Variants in SLC44A1 observed in about 807,000 individuals in gnomAD.
The protein encoded by SLC44A1 is choline transporter-like protein 1.
Under a neutral mutation model 79.3 loss-of-function variants are expected in SLC44A1, and 26 were observed. The observed-to-expected ratio is 0.33, with a 90% CI of 0.24 to 0.46. The LOEUF (loss-of-function observed/expected upper bound fraction) is 0.46. SLC44A1 is among the 20% of genes least tolerant of loss of function. SLC44A1 has a pLI of 1.00. For synonymous variants in SLC44A1, 263 were observed against 286.2 expected (o/e 0.92, Z 0.82); for missense variants, 688 against 798.1 (o/e 0.86, Z 1.66).
intron 15 of SLC44A1, among the ~76,000 whole-genome samples, chr9:105,409,015 CAATT>C (rs1346957002): frequency 6.6e-6 from 1 of 151,992 alleles, no homozygotes; most frequent in African/African-American, 2.4e-5. Flanking sequence ...CTAGAAAAAT[CAATT>C]AAACATAAGA....
In SLC44A1 at chr9:105,271,802, C is replaced by T. The variant is rs530756753; in HGVS notation, c.36+26898C>T. ...CTAATTTTTGTAGTTTTAGTAGAGA[C>T]GGGGTTTCGCTATGTTGGCCAGGCT... On this transcript the variant is annotated intron_variant, in intron 1 of 15. Coordinates refer to ENST00000374720, the MANE Select transcript of SLC44A1 (RefSeq NM_080546.5). Among the ~76,000 whole-genome samples, 49 of 152,068 alleles carry T rather than the reference C, an allele frequency of 3.2e-4. 1 individual carries two copies. The South Asian group carries it at 9.6e-3, about 30-fold the overall frequency.
At position 105,389,037 on chromosome 9, in the gene SLC44A1, C is replaced by T. The variant is rs201488869; in HGVS notation, c.1955C>T (p.Ser652Leu). The change falls in exon 16 of 16, where the codon TCG becomes TTG. Residue 652 changes from serine (S) to leucine (L), a missense_variant. Ser to Leu is a moderately radical substitution (Grantham distance 145). Coordinates refer to ENST00000374720, the MANE Select transcript of SLC44A1 (RefSeq NM_080546.5). ...CTGTATGACTTTGTTTTCTAGGCTTCGGGAGCAAGTTCTGCTTGAACCTAG... is the reference window on the plus strand; with the variant it reads ...CTGTATGACTTTGTTTTCTAGGCTTTGGGAGCAAGTTCTGCTTGAACCTAG... ...ADSRELKPMASGASSA is the reference protein window; with the variant it reads ...ADSRELKPMALGASSA 1.2e-5 allele frequency: 19 copies of T among 1,612,364 alleles called. No homozygotes were observed. Among genetic ancestry groups the T allele is most frequent in the South Asian group, 2.2e-5 (2 of 91,020 alleles).
At chr9:105,423,183 G>A (rs1829276225) in intron 15 of SLC44A1, among the ~76,000 whole-genome samples, 1 of 152,200 alleles carries the variant, frequency 6.6e-6, no homozygotes, top group Non-Finnish European at 1.5e-5. Context: ...GCTCACGCCT[G>A]TAATCTCAAC....
chr9:105,377,679 T>C (rs1828334558), intron 13 of SLC44A1, among the ~76,000 whole-genome samples: 1 of 151,476 alleles, frequency 6.6e-6, no homozygotes, highest in Non-Finnish European at 1.5e-5. Context: ...GGAGAATCGC[T>C]TGAACCCAGG....
chr9:105,430,835 T>C (rs1829383410), intron 15 of SLC44A1, among the ~76,000 whole-genome samples: 1 of 152,230 alleles, frequency 6.6e-6, no homozygotes, highest in Admixed American at 6.5e-5. Flanking sequence ...TTTAACTTTT[T>C]GAGGAATGCC....
rs1421584275 is a variant in SLC44A1, at chr9:105,394,477, G to A, written c.*5421G>A. ...TGTGTGTGTGTCCTGGCGGTTATTT[G>A]GGGGCAAGGTACCAGATTATTTGCA... On this transcript the variant is annotated 3_prime_UTR_variant, in exon 16 of 16. Coordinates refer to ENST00000374720, the MANE Select transcript of SLC44A1 (RefSeq NM_080546.5). The A allele has an allele frequency of 2.0e-6, 2 of 978,128 alleles. No individual in the cohort carries two copies. The highest frequency in any genetic ancestry group is 2.4e-6 in the Non-Finnish European group (2 of 828,194). The allele number at this position is 978,128 out of a possible 1,614,324, so 60.6% of individuals were successfully genotyped here.
intron 1 of SLC44A1, 55 bp downstream of exon 1, chr9:105,244,959 C>G: frequency 3.0e-6 from 3 of 1,015,418 alleles, no homozygotes; most frequent in Non-Finnish European, 3.7e-6. Flanking sequence ...TGCGCCGCGT[C>G]GCGCGGCGGG....
chr9:105,308,335 A>G (rs552385820), intron 2 of SLC44A1, among the ~76,000 whole-genome samples: 1 of 152,344 alleles, frequency 6.6e-6, no homozygotes, highest in South Asian at 2.1e-4. Flanking sequence ...ACTGGATTAC[A>G]TCATTTAATC....
chr9:105,417,336 G>T (rs1829184579), intron 15 of SLC44A1, among the ~76,000 whole-genome samples: 1 of 152,138 alleles, frequency 6.6e-6, no homozygotes, highest in African/African-American at 2.4e-5. Flanking sequence ...CTCACTTTGT[G>T]GTCGTACACA....
chr9:105,338,575 C>T (rs1044961862), intron 4 of SLC44A1, among the ~76,000 whole-genome samples: 1 of 152,004 alleles, frequency 6.6e-6, no homozygotes, highest in Non-Finnish European at 1.5e-5. Flanking sequence ...TCACCATGCC[C>T]AGATAATTTT....
At chr9:105,287,508 A>C (rs1287354283) in intron 1 of SLC44A1, among the ~76,000 whole-genome samples, 1 of 152,160 alleles carries the variant, frequency 6.6e-6, no homozygotes, top group Non-Finnish European at 1.5e-5. Context: ...GTTTGAGATG[A>C]ATATTTGTGG....
intron 4 of SLC44A1, 57 bp downstream of exon 4, chr9:105,335,756 A>G: frequency 6.6e-7 from 1 of 1,525,632 alleles, no homozygotes; most frequent in Non-Finnish European, 8.9e-7. Context: ...TTTGTTAAAT[A>G]TAAATTTGCC....
intron 1 of SLC44A1, among the ~76,000 whole-genome samples, chr9:105,259,056 A>G (rs530612048): frequency 1.3e-5 from 2 of 152,108 alleles, no homozygotes; most frequent in Non-Finnish European, 2.9e-5. Flanking sequence ...GTGCACCTCA[A>G]ACTATAGAGG....
chr9:105,397,780 TA>T (rs372495485), downstream of SLC44A1, among the ~76,000 whole-genome samples: 2 of 150,820 alleles, frequency 1.3e-5, no homozygotes, highest in Admixed American at 6.6e-5. Flanking sequence ...CCGTCTCTAC[TA>T]AAAAAAATAC....
At chr9:105,308,913 T>C (rs1679125951) in intron 2 of SLC44A1, among the ~76,000 whole-genome samples, 1 of 152,244 alleles carries the variant, frequency 6.6e-6, no homozygotes, top group African/African-American at 2.4e-5. Context: ...TTTATTGCTT[T>C]GTTTTGGTCA....
intron 5 of SLC44A1, among the ~76,000 whole-genome samples, chr9:105,349,237 G>A (rs753352318): frequency 1.1e-4 from 17 of 152,124 alleles, no homozygotes; most frequent in Admixed American, 2.0e-4. Flanking sequence ...CAACCTTAGT[G>A]TATATTGCCA....
chr9:105,278,879 A>T (rs1370961636), intron 1 of SLC44A1, among the ~76,000 whole-genome samples: 3 of 152,196 alleles, frequency 2.0e-5, no homozygotes, highest in Non-Finnish European at 4.4e-5. Context: ...AAACTTGTCT[A>T]TGCTTGAAAA....
At chr9:105,265,783 T>C (rs1829948017) in intron 1 of SLC44A1, among the ~76,000 whole-genome samples, 1 of 152,344 alleles carries the variant, frequency 6.6e-6, no homozygotes, top group South Asian at 2.1e-4. Context: ...CACTTGGTAT[T>C]GTCAGTTTAT....
chr9:105,361,158 T>A, intron 7 of SLC44A1, 33 bp from the exon 8 acceptor site: 1 of 1,606,196 alleles, frequency 6.2e-7, no homozygotes, highest in African/African-American at 1.3e-5. Flanking sequence ...TTATCCTAAT[T>A]ATTGCATTAA....
Sources: gnomAD v4.1 joint callset for allele counts (sites outside exome capture counted in the v4.1 genomes callset) on GRCh38, gnomAD v4.1.1 for gene constraint, MANE v1.5 for transcripts, NCBI Gene and HGNC (gene_info 2026-07-23, HGNC 2026-07-21) for gene names.